RP1L1: variants seen among roughly 807,000 people sequenced by gnomAD.
RP1L1 encodes retinitis pigmentosa 1-like 1 protein.
A neutral mutation model predicts 15.7 loss-of-function variants in RP1L1; 27 were observed. That is an observed-to-expected ratio of 1.72 (90% CI 1.27 to 2.38). RP1L1 has a LOEUF of 2.38. Among genes scored for constraint, RP1L1 ranks in the 30% most tolerant of loss-of-function variants. RP1L1 has a pLI of 0.00. For synonymous variants in RP1L1, 1,813 were observed against 1,276.7 expected, an observed-to-expected ratio of 1.42 and a Z score of -8.96; for missense variants, 4,798 against 3,075.9, an observed-to-expected ratio of 1.56 and a Z score of -13.24.
chr8:10,617,043 A>T (rs1797979107), intron 2 of RP1L1, among the ~76,000 whole-genome samples: 1 of 152,132 alleles, frequency 6.6e-6, no homozygotes, highest in South Asian at 2.1e-4. Flanking sequence ...TTTCTGGTAC[A>T]GTCTGAGTCT....
rs768404435 is a variant in RP1L1 at position 10,612,805 on chromosome 8, G to A, written c.1293C>T (p.His431=). 1.9e-5 allele frequency: 31 copies of A among 1,611,492 alleles called. No homozygotes were observed. Among genetic ancestry groups the A allele is most frequent in the Middle Eastern group, 1.7e-4 (1 of 6,060 alleles). ...AARKRWGLAQ[H]VRCSGLWGHG... ...GGCCCCACAGGCCACTGCAGCGGAC[G>A]TGCTGGGCCAGTCCCCACCTCTTCC... The change falls in exon 4 of 4, where the codon CAC becomes CAT. Residue 431 remains histidine, a synonymous_variant. Coordinates refer to ENST00000382483, the MANE Select transcript of RP1L1 (RefSeq NM_178857.6).
intron 1 of RP1L1, among the ~76,000 whole-genome samples, chr8:10,646,595 G>A (rs962991406): frequency 6.6e-6 from 1 of 152,026 alleles, no homozygotes; most frequent in African/African-American, 2.4e-5. Flanking sequence ...TGGCCCTCTG[G>A]ACTCCCTGTC....
chr8:10,624,996 A>G lies in RP1L1; in HGVS notation c.-19-1776T>C, dbSNP rs534251738. On this transcript the variant is annotated intron_variant, in intron 1 of 3. Transcript: ENST00000382483. ...GGGGTTGGGAGCCGAGGCTCCTGTC[A>G]GATCCCCCACTTTGTCCAGTGGATG... Among the ~76,000 whole-genome samples, 6 of 152,310 alleles carry G rather than the reference A, an allele frequency of 3.9e-5. No homozygotes were observed. The East Asian group carries it at 1.2e-3, about 29-fold the overall frequency.
Position 10,607,401 on chromosome 8 carries a change from C to G in RP1L1, c.6697G>C (p.Ala2233Pro). ...PEPEGVETPE[A>P]EGEAQPESEG... is the part of the protein sequence containing the mutation. ...GACTCTGGCTGGGCCTCCCCTTCAG[C>G]CTCCGGGGTCTCTACGCCTTCTGGC... Residue 2233 changes from alanine (A) to proline (P), a missense_variant, in exon 4 of 4, where the codon GCT (alanine) becomes CCT (proline). By Grantham distance (27) the Ala-to-Pro change is conservative. Transcript: ENST00000382483. 1 of 1,591,836 alleles carries G rather than the reference C, an allele frequency of 6.3e-7. No individual in the cohort carries two copies. Among genetic ancestry groups the G allele is most frequent in the Non-Finnish European group, 8.6e-7 (1 of 1,166,576 alleles).
intron 3 of RP1L1, 67 bp from the exon 4 acceptor site, chr8:10,613,413 A>T (rs1211653022): frequency 6.3e-7 from 1 of 1,589,294 alleles, no homozygotes; most frequent in African/African-American, 1.3e-5. Context: ...GCATCAGGAT[A>T]AAGGAATAAA....
At chr8:10,651,789 A>G (rs1052466267) in intron 1 of RP1L1, among the ~76,000 whole-genome samples, 1 of 151,510 alleles carries the variant, frequency 6.6e-6, no homozygotes, top group African/African-American at 2.4e-5. Context: ...TTATGCTCAG[A>G]GCTGTTGCTC....
intron 1 of RP1L1, among the ~76,000 whole-genome samples, chr8:10,637,475 G>A (rs1327801868): frequency 1.3e-5 from 2 of 152,200 alleles, no homozygotes; most frequent in Non-Finnish European, 2.9e-5. Context: ...GCCGGCCACG[G>A]TGGCATATGT....
chr8:10,644,359 C>G (rs1798446681), intron 1 of RP1L1, among the ~76,000 whole-genome samples: 1 of 152,110 alleles, frequency 6.6e-6, no homozygotes, highest in Admixed American at 6.5e-5. Flanking sequence ...TTCTGTGACC[C>G]TACAGGAAGG....
At chr8:10,640,688 A>G (rs1466778270) in intron 1 of RP1L1, among the ~76,000 whole-genome samples, 3 of 150,914 alleles carry the variant, frequency 2.0e-5, no homozygotes, top group Non-Finnish European at 4.4e-5. Context: ...TTAATATTTT[A>G]TTATTATTAT....
rs115884793 is a variant in RP1L1, at chr8:10,609,478, C to G, written c.4620G>C (p.Glu1540Asp). 2,970 of 1,611,970 alleles carry G rather than the reference C, an allele frequency of 1.8e-3. 42 individuals are homozygous for G. The African/African-American group carries it at 0.033, about 18-fold the overall frequency. The part of the protein sequence containing the change: ...FLAHLASAVA[E>D]LRARWGLQDN... ...CCTGCAGGCCCCAGCGTGCTCGGAG[C>G]TCAGCCACCGCACTGGCAAGGTGGG... The change falls in exon 4 of 4, where the codon GAG (glutamate) becomes GAC (aspartate). Residue 1540 changes from glutamate to aspartate, a missense_variant. Coordinates refer to ENST00000382483, the MANE Select transcript of RP1L1 (RefSeq NM_178857.6).
chr8:10,650,952 G>C (rs1013901419), intron 1 of RP1L1, among the ~76,000 whole-genome samples: 1 of 152,178 alleles, frequency 6.6e-6, no homozygotes, highest in Non-Finnish European at 1.5e-5. Context: ...TATTATCCCC[G>C]TTTGATAAGT....
In RP1L1 at chr8:10,622,384, G is replaced by A. The variant is rs116225055; in HGVS notation, c.609+209C>T. 4.2e-3 allele frequency among the ~76,000 whole-genome samples: 623 copies of A among 148,382 alleles called. 4 individuals are homozygous for A. The highest frequency in any genetic ancestry group is 0.014 in the African/African-American group (578 of 40,462). On this transcript the variant is annotated intron_variant, in intron 2 of 3. Transcript: ENST00000382483. ...ACAGGCACAATGCCTGCCACTTACC[G>A]CATGCTCTCTAAATATACCTAAAAA... is the stretch of plus-strand genomic sequence containing the variant.
chr8:10,608,626 T>G lies in RP1L1; in HGVS notation c.5472A>C (p.Gln1824His), dbSNP rs1797760855. 6.2e-7 allele frequency: 1 copy of G among 1,614,074 alleles called. No individual in the cohort carries two copies. The change falls in exon 4 of 4, where the codon CAA becomes CAC. Residue 1824 changes from glutamine to histidine, a missense_variant. Gln to His is a conservative substitution (Grantham distance 24, BLOSUM62 0). Coordinates refer to ENST00000382483, the MANE Select transcript of RP1L1 (RefSeq NM_178857.6). ...CGGCCCCATCACTCTGTCCTGGATC[T>G]TGGTCACCTCCTGCCGCAGCTTCAC... The part of the protein sequence containing the change: ...LQGEAAAGGD[Q>H]DPGQSDGAEG...
At position 10,625,847 on chromosome 8, in the gene RP1L1, G is replaced by A. The variant is rs1798148248; in HGVS notation, c.-19-2627C>T. ...CTGATTAGGCCCCAGCAAACCCCAG[G>A]GTCCACTTGTACCGATCAGAGCCAG... On this transcript the variant is annotated intron_variant, in intron 1 of 3. Transcript: ENST00000382483. Among the ~76,000 whole-genome samples the A allele has an allele frequency of 2.6e-5, 4 of 152,168 alleles. No individual in the cohort carries two copies. In the South Asian group the frequency reaches 8.3e-4, roughly 32 times the overall value.
chr8:10,625,227 C>A (rs188849418), intron 1 of RP1L1, among the ~76,000 whole-genome samples: 2 of 152,230 alleles, frequency 1.3e-5, no homozygotes, highest in East Asian at 1.9e-4. Flanking sequence ...GGGCGCCAGG[C>A]CGCGCCCAGA....
intron 1 of RP1L1, among the ~76,000 whole-genome samples, chr8:10,645,406 TAAAA>T (rs1798462415): frequency 6.6e-6 from 1 of 152,156 alleles, no homozygotes; most frequent in Non-Finnish European, 1.5e-5. Context: ...AAGGAAAAGG[TAAAA>T]ATTTAAATTA....
chr8:10,626,245 T>G (rs1585984490), intron 1 of RP1L1, among the ~76,000 whole-genome samples: 1 of 151,366 alleles, frequency 6.6e-6, no homozygotes, highest in Non-Finnish European at 1.5e-5. Context: ...AGCGGGAGGA[T>G]GGGGGAGGCT....
At chr8:10,628,376 C>T (rs1798189949) in intron 1 of RP1L1, among the ~76,000 whole-genome samples, 1 of 152,108 alleles carries the variant, frequency 6.6e-6, no homozygotes. Flanking sequence ...CCATGAATAA[C>T]ACCAATGCCC....
chr8:10,613,924 A>G (rs1428564507), intron 3 of RP1L1, among the ~76,000 whole-genome samples: 1 of 152,244 alleles, frequency 6.6e-6, no homozygotes, highest in Non-Finnish European at 1.5e-5. Flanking sequence ...TCTGCTGCTT[A>G]CTAGCTGCGT....
Sources: allele counts gnomAD v4.1 joint callset (sites outside exome capture counted in the v4.1 genomes callset), GRCh38; gene constraint gnomAD v4.1.1; transcripts MANE v1.5; gene names NCBI Gene and HGNC (gene_info 2026-07-23, HGNC 2026-07-21).